RAF1: variants seen among roughly 807,000 people sequenced by gnomAD.
RAF1 encodes the protein Raf-1 proto-oncogene, serine/threonine kinase.
In RAF1, 27 loss-of-function variants were observed where a neutral mutation model predicts 81.1. The ratio of observed to expected loss-of-function variants is 0.33; its 90% confidence interval spans 0.25 to 0.46. The LOEUF is 0.46. Among genes scored for constraint, RAF1 ranks in the 20% least tolerant of loss-of-function variants. The pLI is 1.00. For missense variants in RAF1, 598 were observed against 826.0 expected (o/e 0.72, Z 3.38); for synonymous variants, 298 against 294.0 (o/e 1.01, Z -0.14).
intron 11 of RAF1, among the ~76,000 whole-genome samples, 180 bp downstream of exon 10, chr3:12,599,511 T>G (rs1405325693): frequency 6.6e-6 from 1 of 152,192 alleles, no homozygotes; most frequent in Non-Finnish European, 1.5e-5. Context: ...TCCTGGGAGC[T>G]TTATAAGAAC....
chr3:12,632,938 G>A (rs954987807), intron 1 of RAF1, among the ~76,000 whole-genome samples: 1 of 152,186 alleles, frequency 6.6e-6, no homozygotes, highest in African/African-American at 2.4e-5. Flanking sequence ...TTGAGAGTAT[G>A]AATACTGTTC....
At chr3:12,611,631 C>T (rs2059212305) in intron 3 of RAF1, among the ~76,000 whole-genome samples, 1 of 152,072 alleles carries the variant, frequency 6.6e-6, no homozygotes, top group Non-Finnish European at 1.5e-5. Context: ...ACCCGGGAGG[C>T]GGAGCTTGCG....
At chr3:12,629,890 C>T (rs1236327214) in intron 1 of RAF1, among the ~76,000 whole-genome samples, 1 of 152,188 alleles carries the variant, frequency 6.6e-6, no homozygotes, top group African/African-American at 2.4e-5. Flanking sequence ...TCAAGCAATC[C>T]TCCTGCCTCA....
At chr3:12,632,324 C>CAAAA (rs34396520) in intron 1 of RAF1, among the ~76,000 whole-genome samples, 11 of 123,386 alleles carry the variant, frequency 8.9e-5, no homozygotes, top group South Asian at 2.7e-4. Context: ...AACTCCGTCT[C>CAAAA]AAAAAAAAAA....
Position 12,591,788 on chromosome 3 carries a change from A to G in RAF1, c.1173T>C (p.Asp391=), listed in dbSNP as rs146668293. The change falls in exon 12 of 18, where the codon GAT becomes GAC. Residue 391 remains aspartate (D), a synonymous_variant. Coordinates refer to ENST00000442415, the MANE Select transcript of RAF1 (RefSeq NM_001354689.3). ...CAACCTTTAGGATCTTTACTGCAAC[A>G]TCTCCTGCAAAATTAGTTGGCAGTC... 40 of 1,613,372 alleles carry G rather than the reference A, an allele frequency of 2.5e-5. No individual in the cohort carries two copies. Among genetic ancestry groups the G allele is most frequent in the Non-Finnish European group, 3.1e-5 (37 of 1,179,360 alleles).
At chr3:12,644,186 G>A (rs1475551661) in intron 1 of RAF1, among the ~76,000 whole-genome samples, 2 of 152,038 alleles carry the variant, frequency 1.3e-5, no homozygotes, top group Non-Finnish European at 2.9e-5. Flanking sequence ...AGTCAAATCT[G>A]GAGAGACTAC....
At position 12,584,159 on chromosome 3, in the gene RAF1, G is replaced by A. The variant is rs5746248; in HGVS notation, c.*355C>T. 1.0e-3 allele frequency: 403 copies of A among 401,984 alleles called. 1 individual carries two copies. Among genetic ancestry groups the A allele is most frequent in the African/African-American group, 6.2e-3 (317 of 50,756 alleles). 24.9% of individuals were successfully genotyped at this position (401,984 alleles called of 1,614,324 possible). ...TGTGTCTCCACATCAGGGCTGGACTGCCTGCTACCTTACTTCCTCTAAATA... is the reference window on the plus strand; with the variant it reads ...TGTGTCTCCACATCAGGGCTGGACTACCTGCTACCTTACTTCCTCTAAATA... On this transcript the variant is annotated 3_prime_UTR_variant, in exon 18 of 18. Coordinates refer to ENST00000442415, the MANE Select transcript of RAF1 (RefSeq NM_001354689.3).
chr3:12,643,481 C>T (rs1261898143), intron 1 of RAF1, among the ~76,000 whole-genome samples: 1 of 152,108 alleles, frequency 6.6e-6, no homozygotes, highest in Non-Finnish European at 1.5e-5. Flanking sequence ...TGGCTCACAC[C>T]TGTAATCCCA....
At chr3:12,644,062 G>T (rs908192125) in intron 1 of RAF1, among the ~76,000 whole-genome samples, 2 of 152,080 alleles carry the variant, frequency 1.3e-5, no homozygotes, top group Non-Finnish European at 2.9e-5. Flanking sequence ...GGTTTTGCTG[G>T]TTTTTTTCAG....
At chr3:12,609,846 G>A (rs577439971) in intron 3 of RAF1, among the ~76,000 whole-genome samples, 20 of 152,134 alleles carry the variant, frequency 1.3e-4, no homozygotes, top group African/African-American at 4.3e-4. Context: ...ACGTTAAATT[G>A]GAATTTGTAA....
chr3:12,635,526 C>T (rs1638487283), intron 1 of RAF1, among the ~76,000 whole-genome samples: 2 of 149,960 alleles, frequency 1.3e-5, no homozygotes, highest in South Asian at 4.2e-4. Context: ...ATCCCAGCTA[C>T]TTGGGAGGCT....
intron 2 of RAF1, among the ~76,000 whole-genome samples, chr3:12,613,183 C>T (rs1411753173): frequency 4.6e-5 from 7 of 152,132 alleles, no homozygotes; most frequent in Non-Finnish European, 8.8e-5. Context: ...AGGATACTCA[C>T]AATTAATGGC....
intron 8 of RAF1, 130 bp from the exon 8 acceptor site, chr3:12,600,545 A>G: frequency 2.0e-6 from 2 of 1,004,040 alleles, no homozygotes; most frequent in Non-Finnish European, 3.1e-6. Flanking sequence ...TAGAAATCCT[A>G]AACATACTCT....
chr3:12,608,885 G>C lies in RAF1; in HGVS notation c.462C>G (p.Ile154Met), dbSNP rs367732360. 2.7e-5 allele frequency: 43 copies of C among 1,614,034 alleles called. No homozygotes were observed. The highest frequency in any genetic ancestry group is 3.6e-5 in the Non-Finnish European group (42 of 1,180,024). ...ATCCATTGAGCAGGAATTTCTGACA[G>C]ATGTCACAGAAGGCAAGCTTCAGGA... Residue 154 changes from isoleucine to methionine, a missense_variant, in exon 5 of 18, where the codon ATC (isoleucine) becomes ATG (methionine). This residue lies in a region of RAF1 where 89 missense variants were observed against 169.2 expected (regional missense o/e 0.53). Coordinates refer to ENST00000442415, the MANE Select transcript of RAF1 (RefSeq NM_001354689.3).
At chr3:12,596,956 T>C (rs1394309347) in intron 11 of RAF1, among the ~76,000 whole-genome samples, 1 of 151,552 alleles carries the variant, frequency 6.6e-6, no homozygotes, top group African/African-American at 2.4e-5. Flanking sequence ...TGAAGTGGAG[T>C]GGCACGATCT....
chr3:12,618,680 A>C lies in RAF1; in HGVS notation c.42T>G (p.Gly14=). The change falls in exon 2 of 18, where the codon GGT becomes GGG. Residue 14 remains glycine (G), a synonymous_variant. Coordinates refer to ENST00000442415, the MANE Select transcript of RAF1 (RefSeq NM_001354689.3). The stretch of plus-strand genomic sequence containing the variant: ...CAAACACGGCATCTTTGAATCCAAA[A>C]CCATTGCTGATCGTCTTCCAAGCTC... The C allele has an allele frequency of 1.2e-6, 2 of 1,614,198 alleles. No homozygotes were observed. Among genetic ancestry groups the C allele is most frequent in the Non-Finnish European group, 1.7e-6 (2 of 1,180,046 alleles).
In RAF1 at chr3:12,600,197, T is replaced by C. The variant is rs1451849309; in HGVS notation, c.1005A>G (p.Gln335=). The C allele has an allele frequency of 7.4e-6, 12 of 1,614,094 alleles. No homozygotes were observed. The highest frequency in any genetic ancestry group is 4.0e-5 in the African/African-American group (3 of 74,938). ...TCCCAGATACTGGTGCCCGCTCTCT[T>C]TGTGCTGGCACGGGGGTTTTCGGCT... Residue 335 remains glutamine (Q), a synonymous_variant, in exon 10 of 18, where the codon CAA becomes CAG. Coordinates refer to ENST00000442415, the MANE Select transcript of RAF1 (RefSeq NM_001354689.3).
At chr3:12,624,641 A>C (rs2059645363) in intron 1 of RAF1, among the ~76,000 whole-genome samples, 1 of 152,210 alleles carries the variant, frequency 6.6e-6, no homozygotes, top group South Asian at 2.1e-4. Flanking sequence ...GATAAGTTCT[A>C]AAATCAAATG....
intron 3 of RAF1, 119 bp from the exon 4 acceptor site, chr3:12,609,454 A>C: frequency 1.4e-6 from 1 of 705,330 alleles, no homozygotes; most frequent in Non-Finnish European, 2.5e-6. Context: ...TCCATACAAC[A>C]ATAATTTATT....
Sources: allele counts gnomAD v4.1 joint callset (sites outside exome capture counted in the v4.1 genomes callset), GRCh38; gene constraint gnomAD v4.1.1; regional missense constraint gnomAD v4.1.1; transcripts MANE v1.5; gene names NCBI Gene and HGNC (gene_info 2026-07-23, HGNC 2026-07-21).